Variants in WDFY2 observed in about 807,000 individuals in gnomAD.
The protein encoded by WDFY2 is WD repeat and FYVE domain-containing protein 2.
In WDFY2, 36 loss-of-function variants were observed where a neutral mutation model predicts 56.4. That is an observed-to-expected ratio of 0.64 (90% CI 0.49 to 0.84). The LOEUF (loss-of-function observed/expected upper bound fraction) is 0.84. Among genes scored for constraint, WDFY2 ranks in the 40% least tolerant of loss-of-function variants. The pLI, the probability that WDFY2 is intolerant of heterozygous loss-of-function variation, is 0.00. For missense variants in WDFY2, 444 were observed against 512.2 expected, an observed-to-expected ratio of 0.87 and a Z score of 1.29; for synonymous variants, 176 against 183.7, an observed-to-expected ratio of 0.96 and a Z score of 0.34.
intron 2 of WDFY2, among the ~76,000 whole-genome samples, chr13:51,668,052 C>T (rs1054792415): frequency 1.3e-5 from 2 of 151,726 alleles, no homozygotes; most frequent in African/African-American, 4.8e-5. Flanking sequence ...CCACTGCGCC[C>T]GGCTAATTTT....
chr13:51,657,345 T>A (rs1354083707), intron 1 of WDFY2, among the ~76,000 whole-genome samples: 1 of 152,170 alleles, frequency 6.6e-6, no homozygotes, highest in African/African-American at 2.4e-5. Context: ...CTTTTATATT[T>A]ACTCGTGTGG....
At position 51,760,124 on chromosome 13, in the gene WDFY2, G is replaced by A. The variant is rs930477280; in HGVS notation, c.*355G>A. The A allele has an allele frequency of 4.9e-6, 1 of 204,148 alleles. No homozygotes were observed. Among genetic ancestry groups the A allele is most frequent in the African/African-American group, 2.3e-5 (1 of 43,478 alleles). 12.6% of individuals were successfully genotyped at this position (204,148 alleles called of 1,614,324 possible). ...TTGCTTTGTCAGAGAAATAAGGGAGGTATCTACTCAGAGTATTTTGGTCAT... is the reference window on the plus strand; with the variant it reads ...TTGCTTTGTCAGAGAAATAAGGGAGATATCTACTCAGAGTATTTTGGTCAT... On this transcript the variant is annotated 3_prime_UTR_variant, in exon 12 of 12. Coordinates refer to ENST00000298125, the MANE Select transcript of WDFY2 (RefSeq NM_052950.4).
intron 2 of WDFY2, among the ~76,000 whole-genome samples, chr13:51,667,276 T>C (rs1308522866): frequency 6.6e-6 from 1 of 152,176 alleles, no homozygotes; most frequent in Non-Finnish European, 1.5e-5. Flanking sequence ...GGGACTATAA[T>C]CTTAAGGTAA....
chr13:51,681,503 CT>C (rs1204187594), intron 3 of WDFY2, among the ~76,000 whole-genome samples: 1 of 152,096 alleles, frequency 6.6e-6, no homozygotes, highest in Non-Finnish European at 1.5e-5. Flanking sequence ...TTTACACTAG[CT>C]TATGATTCTG....
chr13:51,686,801 C>T (rs954499034), intron 3 of WDFY2, among the ~76,000 whole-genome samples: 4 of 152,008 alleles, frequency 2.6e-5, no homozygotes, highest in Admixed American at 2.6e-4. Flanking sequence ...AAAGTATGTA[C>T]TGTTCTATTT....
chr13:51,682,491 C>T (rs1430592278), intron 3 of WDFY2, among the ~76,000 whole-genome samples: 4 of 152,004 alleles, frequency 2.6e-5, no homozygotes, highest in African/African-American at 4.8e-5. Flanking sequence ...AATTAATGAG[C>T]GAGTAAATGA....
At chr13:51,756,308 A>G (rs751076419) in intron 9 of WDFY2, 24 bp from the exon 10 acceptor site, 13 of 1,606,002 alleles carry the variant, frequency 8.1e-6, no homozygotes, top group Non-Finnish European at 9.4e-6. Flanking sequence ...CGTGATGAGT[A>G]TCTATTTTAT....
chr13:51,748,628 T>C (rs900904780), intron 7 of WDFY2, among the ~76,000 whole-genome samples: 12 of 151,458 alleles, frequency 7.9e-5, no homozygotes, highest in African/African-American at 2.7e-4. Context: ...CTCTCTCTCT[T>C]TTTTTTTTCT....
chr13:51,736,145 T>C (rs1480981358), intron 6 of WDFY2, among the ~76,000 whole-genome samples: 2 of 152,230 alleles, frequency 1.3e-5, no homozygotes, highest in Admixed American at 6.5e-5. Context: ...AGGTCTCCTG[T>C]ACTGTAATCA....
intron 1 of WDFY2, among the ~76,000 whole-genome samples, chr13:51,617,799 C>T (rs1050225172): frequency 6.6e-6 from 1 of 152,144 alleles, no homozygotes; most frequent in Non-Finnish European, 1.5e-5. Flanking sequence ...ATTTGAGATG[C>T]GGGCTAACAT....
intron 1 of WDFY2, among the ~76,000 whole-genome samples, chr13:51,646,941 A>G (rs1279028934): frequency 6.6e-6 from 1 of 152,190 alleles, no homozygotes; most frequent in Non-Finnish European, 1.5e-5. Context: ...ATTTGGGGGA[A>G]GTGGGGAGGA....
At chr13:51,692,265 T>G (rs1951756646) in intron 3 of WDFY2, among the ~76,000 whole-genome samples, 2 of 152,238 alleles carry the variant, frequency 1.3e-5, no homozygotes, top group South Asian at 2.1e-4. Flanking sequence ...CATCCCTGTC[T>G]TGTGCCAGTT....
chr13:51,675,983 G>A (rs538671539), intron 3 of WDFY2, among the ~76,000 whole-genome samples: 3 of 152,258 alleles, frequency 2.0e-5, no homozygotes, highest in African/African-American at 4.8e-5. Context: ...AGTCCTGGGC[G>A]AGAGAAGCCC....
intron 1 of WDFY2, among the ~76,000 whole-genome samples, chr13:51,645,984 C>T (rs1955255345): frequency 6.6e-6 from 1 of 152,164 alleles, no homozygotes; most frequent in African/African-American, 2.4e-5. Flanking sequence ...ATGAATGACA[C>T]CACCATTCAT....
intron 2 of WDFY2, among the ~76,000 whole-genome samples, chr13:51,674,713 C>G (rs966380993): frequency 1.1e-4 from 17 of 152,086 alleles, no homozygotes; most frequent in African/African-American, 3.9e-4. Flanking sequence ...TTCTAGACTC[C>G]TGTGTGTATG....
At chr13:51,674,230 G>A (rs2138499672) in intron 2 of WDFY2, among the ~76,000 whole-genome samples, 1 of 152,292 alleles carries the variant, frequency 6.6e-6, no homozygotes, top group South Asian at 2.1e-4. Flanking sequence ...GGTAGTTCAT[G>A]ATCTACATGG....
At chr13:51,612,941 A>G (rs575204246) in intron 1 of WDFY2, among the ~76,000 whole-genome samples, 1 of 152,306 alleles carries the variant, frequency 6.6e-6, no homozygotes, top group Admixed American at 6.5e-5. Context: ...AATTCAATTT[A>G]AAAATATCTG....
chr13:51,586,442 G>A (rs759191545), intron 1 of WDFY2: 10 of 160,762 alleles, frequency 6.2e-5, no homozygotes, highest in African/African-American at 1.2e-4. Flanking sequence ...AGTTAAGTAC[G>A]GTAGTGAGAA....
At chr13:51,744,590 G>C (rs1386637820) in intron 7 of WDFY2, among the ~76,000 whole-genome samples, 1 of 152,208 alleles carries the variant, frequency 6.6e-6, no homozygotes, top group Non-Finnish European at 1.5e-5. Flanking sequence ...GGACCTGACA[G>C]ACATATGTTG....
Sources: allele counts gnomAD v4.1 joint callset (sites outside exome capture counted in the v4.1 genomes callset), GRCh38; gene constraint gnomAD v4.1.1; transcripts MANE v1.5; gene names NCBI Gene and HGNC (gene_info 2026-07-23, HGNC 2026-07-21).